ACSL1: variants seen among roughly 807,000 people sequenced by gnomAD.
The protein encoded by ACSL1 is long-chain-fatty-acid--CoA ligase 1.
In ACSL1, 41 loss-of-function variants were observed where a neutral mutation model predicts 98.4. The ratio of observed to expected loss-of-function variants is 0.42; its 90% CI spans 0.32 to 0.54. ACSL1 has a LOEUF of 0.54. ACSL1 is among the 20% of genes least tolerant of loss of function. The pLI is 0.13. For missense variants in ACSL1, 734 were observed against 883.1 expected (o/e 0.83, Z 2.14); for synonymous variants, 316 against 322.7 (o/e 0.98, Z 0.22).
chr4:184,809,669 G>A (rs969070789), intron 1 of ACSL1, among the ~76,000 whole-genome samples: 38 of 152,158 alleles, frequency 2.5e-4, no homozygotes, highest in African/African-American at 8.7e-4. Context: ...GGTGGCAGGC[G>A]CCTGTAGTCC....
At chr4:184,813,645 G>A (rs572913765) in intron 1 of ACSL1, 10 of 306,120 alleles carry the variant, frequency 3.3e-5, no homozygotes, top group East Asian at 7.8e-5. Context: ...CTGTTATTAC[G>A]AAAGCTAAAG....
intron 16 of ACSL1, among the ~76,000 whole-genome samples, chr4:184,762,872 A>T (rs1763049720): frequency 6.6e-6 from 1 of 152,226 alleles, no homozygotes. Context: ...AGGGCAATCA[A>T]CAGGCAGGAC....
chr4:184,812,167 G>C lies in ACSL1; in HGVS notation c.-32-8621C>G, dbSNP rs1200042762. On this transcript the variant is annotated intron_variant, in intron 1 of 20. Transcript: ENST00000281455. The stretch of plus-strand genomic sequence containing the variant: ...CTCCTGTCTTACACTTACAGCGAAT[G>C]GTACTTAGTACCTATGTAGATGCTT... The C allele has an allele frequency of 3.0e-6, 3 of 984,162 alleles. No individual in the cohort carries two copies. In the Admixed American group the frequency reaches 1.8e-4, roughly 61 times the overall value. 61.0% of individuals were successfully genotyped at this position (984,162 alleles called of 1,614,324 possible).
intron 2 of ACSL1, among the ~76,000 whole-genome samples, chr4:184,791,820 C>A (rs193006288): frequency 2.6e-5 from 4 of 152,108 alleles, no homozygotes; most frequent in African/African-American, 9.6e-5. Context: ...GGGGTGTAAG[C>A]AGAAAGAAGG....
chr4:184,817,917 A>T (rs1016041220), intron 1 of ACSL1, among the ~76,000 whole-genome samples: 1 of 152,182 alleles, frequency 6.6e-6, no homozygotes, highest in Non-Finnish European at 1.5e-5. Context: ...CCTGACCCCA[A>T]GGACAAGGAT....
intron 4 of ACSL1, among the ~76,000 whole-genome samples, chr4:184,782,264 T>A (rs996422070): frequency 1.4e-5 from 2 of 143,248 alleles, no homozygotes. Context: ...CATACATTCT[T>A]AAAAAAAAAA....
At chr4:184,778,819 T>C (rs1477036928) in intron 5 of ACSL1, among the ~76,000 whole-genome samples, 2 of 152,204 alleles carry the variant, frequency 1.3e-5, no homozygotes, top group East Asian at 1.9e-4. Context: ...AAAACAAACA[T>C]TTTGATGTGT....
intron 2 of ACSL1, among the ~76,000 whole-genome samples, chr4:184,796,469 C>G (rs55923793): frequency 0.1 from 15,352 of 152,220 alleles, 936 homozygotes; most frequent in Non-Finnish European, 0.14. Flanking sequence ...ATTCTCTGAG[C>G]ACAACGTCAG....
At chr4:184,796,752 T>C (rs1218205688) in intron 2 of ACSL1, among the ~76,000 whole-genome samples, 1 of 152,264 alleles carries the variant, frequency 6.6e-6, no homozygotes, top group Non-Finnish European at 1.5e-5. Context: ...ACACATCGGA[T>C]AACTGATTTC....
chr4:184,777,603 A>G (rs557141443), intron 5 of ACSL1, among the ~76,000 whole-genome samples: 2 of 152,220 alleles, frequency 1.3e-5, no homozygotes, highest in South Asian at 4.1e-4. Context: ...GGAGAGAAAG[A>G]GAGAAAGAAA....
At chr4:184,802,372 G>T (rs550943837) in intron 2 of ACSL1, among the ~76,000 whole-genome samples, 1 of 152,134 alleles carries the variant, frequency 6.6e-6, no homozygotes, top group Non-Finnish European at 1.5e-5. Context: ...CCGGGGGGGT[G>T]GGGGAGGCCT....
At chr4:184,809,758 T>C (rs1392537363) in intron 1 of ACSL1, among the ~76,000 whole-genome samples, 4 of 152,176 alleles carry the variant, frequency 2.6e-5, no homozygotes, top group African/African-American at 7.2e-5. Flanking sequence ...ATCGCGCCAC[T>C]GCACTCCAGC....
intron 3 of ACSL1, among the ~76,000 whole-genome samples, chr4:184,786,688 C>G (rs910118788): frequency 6.3e-5 from 8 of 126,600 alleles, no homozygotes; most frequent in Admixed American, 2.8e-4. Context: ...ACAATAGGCA[C>G]TTTCTTTTTT....
intron 3 of ACSL1, among the ~76,000 whole-genome samples, chr4:184,788,054 T>C (rs1028634720): frequency 4.6e-5 from 7 of 151,936 alleles, no homozygotes; most frequent in South Asian, 2.1e-4. Flanking sequence ...AGAGCAGAGG[T>C]AGTCGTGGCT....
In ACSL1 at chr4:184,773,805, C is replaced by G. The variant is rs1764864873; in HGVS notation, c.789+38G>C. ...GTACCAGGCTAGATATTGAAAACTA[C>G]AAAGAGGACAGAGCAGGGTCTGACA... On this transcript the variant is annotated intron_variant, in intron 8 of 20. Coordinates refer to ENST00000281455, the MANE Select transcript of ACSL1 (RefSeq NM_001995.5). This position sits in a 1 kb window ranked among gnomAD's most constrained non-coding sequence, Gnocchi z 4.3. 1 of 1,613,612 alleles carries G rather than the reference C, an allele frequency of 6.2e-7. No individual in the cohort carries two copies. Among genetic ancestry groups the G allele is most frequent in the Non-Finnish European group, 8.5e-7 (1 of 1,179,814 alleles).
Position 184,773,057 on chromosome 4 carries a change from G to C in ACSL1, c.915+24C>G, listed in dbSNP as rs538508385. ...GGACTAATGTCAATCAATGAGGAAA[G>C]ATGACGACATCCCAAAAAGTTACCT... On this transcript the variant is annotated intron_variant, in intron 10 of 20. Coordinates refer to ENST00000281455, the MANE Select transcript of ACSL1 (RefSeq NM_001995.5). The surrounding 1 kb of genome is among the most constrained non-coding windows in gnomAD (Gnocchi z 4.3). 9 of 1,606,184 alleles carry C rather than the reference G, an allele frequency of 5.6e-6. No individual in the cohort carries two copies. Among genetic ancestry groups the C allele is most frequent in the Middle Eastern group, 3.3e-4 (2 of 6,076 alleles).
intron 4 of ACSL1, among the ~76,000 whole-genome samples, chr4:184,783,242 C>G (rs1766628325): frequency 6.6e-6 from 1 of 152,216 alleles, no homozygotes; most frequent in Non-Finnish European, 1.5e-5. Context: ...GCCGCTGTTT[C>G]AACAGCTGTA....
chr4:184,800,387 C>T (rs986281747), intron 2 of ACSL1, among the ~76,000 whole-genome samples: 12 of 152,170 alleles, frequency 7.9e-5, no homozygotes, highest in African/African-American at 2.7e-4. Context: ...TGTGTCTGGG[C>T]TCCGACCAAT....
chr4:184,812,362 C>T, intron 1 of ACSL1: 3 of 364,202 alleles, frequency 8.2e-6, no homozygotes, highest in Non-Finnish European at 1.1e-5. Flanking sequence ...GTCTCTGCAG[C>T]AAGTCCCTTG....
Sources: gnomAD v4.1 joint callset for allele counts (sites outside exome capture counted in the v4.1 genomes callset) on GRCh38, gnomAD v4.1.1 for gene constraint, Gnocchi (gnomAD v3.1) non-coding constraint, MANE v1.5 for transcripts, NCBI Gene and HGNC (gene_info 2026-07-23, HGNC 2026-07-21) for gene names.